The following CDK14 variants were observed in gnomAD, a reference collection of about 807,000 sequenced individuals.
The protein encoded by CDK14 is cyclin-dependent kinase 14.
CDK14 carries 34 observed loss-of-function variants against 60.7 expected under a neutral mutation model. The ratio of observed to expected loss-of-function variants is 0.56; its 90% CI spans 0.43 to 0.75. CDK14 has a LOEUF of 0.75. CDK14 is among the 30% of genes least tolerant of loss of function. The probability of loss-of-function intolerance (pLI) is 0.00; values close to 1 mark genes in which losing one functional copy is unlikely to be tolerated. For synonymous variants in CDK14, 197 were observed against 203.7 expected (o/e 0.97, Z 0.28); for missense variants, 482 against 564.1 (o/e 0.85, Z 1.47).
intron 11 of CDK14, among the ~76,000 whole-genome samples, chr7:91,074,490 G>A (rs1187582581): frequency 1.3e-5 from 2 of 152,118 alleles, no homozygotes; most frequent in African/African-American, 4.8e-5. Flanking sequence ...TCTCTGGGAT[G>A]CAGCTAAAGA....
At chr7:90,905,785 G>A (rs1006636797) in intron 7 of CDK14, among the ~76,000 whole-genome samples, 1 of 152,090 alleles carries the variant, frequency 6.6e-6, no homozygotes, top group Non-Finnish European at 1.5e-5. Context: ...AGTCACATAG[G>A]TTCATCATCA....
intron 11 of CDK14, among the ~76,000 whole-genome samples, chr7:91,046,345 C>T (rs1230724405): frequency 6.6e-6 from 1 of 152,096 alleles, no homozygotes; most frequent in Non-Finnish European, 1.5e-5. Context: ...AAGGAAAAAT[C>T]ATATTTTTAT....
chr7:90,999,177 C>T lies in CDK14; in HGVS notation c.1041+14936C>T, dbSNP rs189015816. Reference sequence around the variant, plus strand: ...ATTTGTGGATTAGGTTTCCAAAACTCGAAGTTTGGGGGAACACATTAAAAC... The same window carrying T: ...ATTTGTGGATTAGGTTTCCAAAACTTGAAGTTTGGGGGAACACATTAAAAC... On this transcript the variant is annotated intron_variant, in intron 10 of 14. Coordinates refer to ENST00000380050, the MANE Select transcript of CDK14 (RefSeq NM_001287135.2). Among the ~76,000 whole-genome samples, 35 of 152,130 alleles carry T rather than the reference C, an allele frequency of 2.3e-4. No homozygotes were observed. In the East Asian group the frequency reaches 6.4e-3, roughly 28 times the overall value.
At chr7:90,634,154 C>T (rs1002659381) in intron 2 of CDK14, among the ~76,000 whole-genome samples, 1 of 151,512 alleles carries the variant, frequency 6.6e-6, no homozygotes, top group African/African-American at 2.4e-5. Context: ...TATTATTATA[C>T]TTTAAGTTTT....
chr7:90,968,897 C>T (rs2117619165), intron 9 of CDK14, among the ~76,000 whole-genome samples: 1 of 151,896 alleles, frequency 6.6e-6, no homozygotes, highest in South Asian at 2.1e-4. Flanking sequence ...ACCTTGTGAG[C>T]CACTTCATTT....
At chr7:90,972,979 G>A (rs555837054) in intron 9 of CDK14, among the ~76,000 whole-genome samples, 49 of 152,266 alleles carry the variant, frequency 3.2e-4, no homozygotes, top group African/African-American at 1.1e-3. Flanking sequence ...ACACATTAAA[G>A]GATGAGAAGC....
chr7:90,919,151 G>T (rs1169383312), intron 8 of CDK14, among the ~76,000 whole-genome samples: 1 of 152,132 alleles, frequency 6.6e-6, no homozygotes, highest in Non-Finnish European at 1.5e-5. Context: ...TAGTTGGTCA[G>T]TGTCAGGAAA....
chr7:90,648,328 A>G (rs746016726), intron 2 of CDK14, among the ~76,000 whole-genome samples: 2 of 152,168 alleles, frequency 1.3e-5, no homozygotes, highest in African/African-American at 2.4e-5. Flanking sequence ...GTGTCTTCAC[A>G]TTCTGGTGGC....
intron 12 of CDK14, among the ~76,000 whole-genome samples, chr7:91,108,786 G>A (rs1378310888): frequency 6.6e-6 from 1 of 152,160 alleles, no homozygotes; most frequent in Non-Finnish European, 1.5e-5. Flanking sequence ...ACCTCTGGTT[G>A]AAAAGTTCAT....
intron 5 of CDK14, among the ~76,000 whole-genome samples, chr7:90,828,941 G>A (rs928884838): frequency 2.6e-5 from 4 of 152,116 alleles, no homozygotes; most frequent in African/African-American, 9.7e-5. Flanking sequence ...ATAAACAAAG[G>A]AAGTTTGATC....
intron 11 of CDK14, among the ~76,000 whole-genome samples, chr7:91,054,412 T>G (rs1360375188): frequency 6.6e-6 from 1 of 152,226 alleles, no homozygotes; most frequent in African/African-American, 2.4e-5. Flanking sequence ...TTGTGAACTT[T>G]GCTGTCCCTC....
intron 9 of CDK14, among the ~76,000 whole-genome samples, chr7:90,963,086 A>AGAGTGTGT (rs146903374): frequency 0.21 from 29,849 of 141,994 alleles, 3,506 homozygotes; most frequent in East Asian, 0.31. Context: ...TCATCTTAAG[A>AGAGTGTGT]GTGTGTGTGT....
chr7:91,089,227 T>C (rs1363643349), intron 12 of CDK14, among the ~76,000 whole-genome samples: 1 of 152,156 alleles, frequency 6.6e-6, no homozygotes, highest in African/African-American at 2.4e-5. Flanking sequence ...CTTCCTTCTC[T>C]TTCTTCCCCA....
intron 8 of CDK14, among the ~76,000 whole-genome samples, chr7:90,930,716 T>A (rs1793567153): frequency 6.6e-6 from 1 of 152,126 alleles, no homozygotes; most frequent in Admixed American, 6.6e-5. Context: ...CAAACTTCAG[T>A]CATTTCTAAT....
At chr7:90,991,853 T>A (rs1680255138) in intron 10 of CDK14, among the ~76,000 whole-genome samples, 1 of 152,156 alleles carries the variant, frequency 6.6e-6, no homozygotes, top group Non-Finnish European at 1.5e-5. Context: ...CACTAGGTTG[T>A]CCACTCTTGG....
At chr7:90,911,597 C>T (rs889482827) in intron 7 of CDK14, among the ~76,000 whole-genome samples, 3 of 152,130 alleles carry the variant, frequency 2.0e-5, no homozygotes, top group Admixed American at 6.6e-5. Context: ...AATTGAACCG[C>T]ATATATTAAA....
chr7:90,853,262 T>G (rs1360139293), intron 5 of CDK14, among the ~76,000 whole-genome samples: 1 of 152,144 alleles, frequency 6.6e-6, no homozygotes, highest in Non-Finnish European at 1.5e-5. Context: ...TTTGGGCTTT[T>G]CAACTGAACG....
chr7:91,117,113 A>G (rs944499458), intron 13 of CDK14, among the ~76,000 whole-genome samples: 3 of 146,446 alleles, frequency 2.0e-5, no homozygotes. Flanking sequence ...TAATCTTACC[A>G]AAACTGAACT....
At chr7:91,127,276 C>A (rs1475447656) in intron 14 of CDK14, among the ~76,000 whole-genome samples, 1 of 152,192 alleles carries the variant, frequency 6.6e-6, no homozygotes, top group African/African-American at 2.4e-5. Context: ...TTAAAGAAAG[C>A]AAACTTCTTT....
Sources: allele counts gnomAD v4.1 joint callset (sites outside exome capture counted in the v4.1 genomes callset), GRCh38; gene constraint gnomAD v4.1.1; transcripts MANE v1.5; gene names NCBI Gene and HGNC (gene_info 2026-07-23, HGNC 2026-07-21).